Variants in ZNF516 observed in about 807,000 individuals in gnomAD.
ZNF516 encodes the protein zinc finger protein 516.
In ZNF516, 19 loss-of-function variants were observed where a neutral mutation model predicts 79.7. The ratio of observed to expected loss-of-function variants is 0.24; its 90% CI spans 0.17 to 0.35. The LOEUF is 0.35. Ranked by LOEUF, ZNF516 falls within the 10% of genes least tolerant of loss-of-function variation. ZNF516 has a pLI of 1.00. For synonymous variants in ZNF516, 877 were observed against 739.5 expected, an observed-to-expected ratio of 1.19 and a Z score of -3.02; for missense variants, 1,678 against 1,679.5, an observed-to-expected ratio of 1.00 and a Z score of 0.02.
upstream of ZNF516, chr18:76,495,528 AG>A: frequency 4.8e-6 from 1 of 207,556 alleles, no homozygotes. Context: ...TGCCACACTG[AG>A]GGGACAGTCT....
At chr18:76,418,629 C>A (rs1054289538) in intron 3 of ZNF516, among the ~76,000 whole-genome samples, 15 of 151,876 alleles carry the variant, frequency 9.9e-5, no homozygotes, top group South Asian at 8.3e-4. Context: ...GAAAAAAAAA[C>A]CATTAAGAAA....
intron 1 of ZNF516, among the ~76,000 whole-genome samples, chr18:76,483,746 A>AAT (rs1388516432): frequency 8.5e-5 from 13 of 152,186 alleles, no homozygotes; most frequent in Admixed American, 8.5e-4. Context: ...CTCTTATAAA[A>AAT]ATATGTTACT....
At position 76,375,824 on chromosome 18, in the gene ZNF516, G is replaced by A. The variant is rs575341808; in HGVS notation, c.3259+3031C>T. Among the ~76,000 whole-genome samples, 10 of 148,738 alleles carry A rather than the reference G, an allele frequency of 6.7e-5. No homozygotes were observed. The East Asian group carries it at 2.1e-3, about 31-fold the overall frequency. On this transcript the variant is annotated intron_variant, in intron 4 of 6. Coordinates refer to ENST00000443185, the MANE Select transcript of ZNF516 (RefSeq NM_014643.4). ...AGAGGATGTATGGGAAGGCCCCGAA[G>A]ACCAGGTAGAAGATGGACACAGAAG... is the stretch of plus-strand genomic sequence containing the variant.
At chr18:76,427,323 T>A (rs1370096292) in intron 3 of ZNF516, among the ~76,000 whole-genome samples, 1 of 152,208 alleles carries the variant, frequency 6.6e-6, no homozygotes. Flanking sequence ...GAGGTTTATA[T>A]GAAATACAGA....
At chr18:76,389,752 A>C (rs1022379483) in intron 3 of ZNF516, among the ~76,000 whole-genome samples, 1 of 152,192 alleles carries the variant, frequency 6.6e-6, no homozygotes, top group South Asian at 2.1e-4. Flanking sequence ...GTCATTTCTT[A>C]ATCTCTACCT....
intron 3 of ZNF516, among the ~76,000 whole-genome samples, chr18:76,426,593 TTATGTAC>T (rs749307780): frequency 1.6e-4 from 24 of 152,352 alleles, no homozygotes; most frequent in Middle Eastern, 3.4e-3. Flanking sequence ...TAATGTATTT[TTATGTAC>T]TAAATTTGGC....
At chr18:76,378,820 T>C in intron 4 of ZNF516, 35 bp downstream of exon 4, 2 of 1,590,454 alleles carry the variant, frequency 1.3e-6, no homozygotes, top group South Asian at 1.1e-5. Flanking sequence ...GGGGGTCACA[T>C]GTGGCCTGGG....
At position 76,441,810 on chromosome 18, in the gene ZNF516, G is replaced by A. The variant is rs565967831; in HGVS notation, c.1245C>T (p.Ser415=). 1.9e-5 allele frequency: 30 copies of A among 1,562,982 alleles called. No homozygotes were observed. The African/African-American group carries it at 2.7e-4, about 14-fold the overall frequency. The stretch of plus-strand genomic sequence containing the variant: ...GCGTGGCCAGCTGCCAGGCCTGGTA[G>A]CTGTTGACCGGGTCCAGCTCAGCCA... The part of the protein sequence containing the change: ...RRVAELDPVN[S]YQAWQLATRG... The change falls in exon 3 of 7, where the codon AGC becomes AGT. Residue 415 remains serine (S), a synonymous_variant. Transcript: ENST00000443185.
intron 2 of ZNF516, 45 bp from the exon 3 acceptor site, chr18:76,443,256 G>T (rs1056451228): frequency 1.3e-4 from 96 of 760,438 alleles, no homozygotes; most frequent in Middle Eastern, 3.9e-4. Flanking sequence ...CTGGCTAAGA[G>T]GGCACAGGCA....
At chr18:76,479,749 G>C (rs1268359797) in intron 1 of ZNF516, among the ~76,000 whole-genome samples, 3 of 152,368 alleles carry the variant, frequency 2.0e-5, no homozygotes, top group Middle Eastern at 3.4e-3. Context: ...AGTGTGCAGA[G>C]GGGCAGACAT....
chr18:76,466,457 C>T (rs749170567), intron 1 of ZNF516, among the ~76,000 whole-genome samples: 5 of 152,242 alleles, frequency 3.3e-5, no homozygotes, highest in South Asian at 2.1e-4. Context: ...ACGCTCTGCA[C>T]GCTCACCAGG....
At chr18:76,479,393 G>T (rs183043405) in intron 1 of ZNF516, among the ~76,000 whole-genome samples, 4 of 152,134 alleles carry the variant, frequency 2.6e-5, no homozygotes, top group African/African-American at 9.7e-5. Context: ...AAATTCTCCC[G>T]GCAAGTCAGT....
intron 1 of ZNF516, among the ~76,000 whole-genome samples, chr18:76,487,784 A>AG (rs1914914570): frequency 6.6e-6 from 1 of 152,140 alleles, no homozygotes; most frequent in Non-Finnish European, 1.5e-5. Flanking sequence ...TCCTGGGACC[A>AG]GAGAAAACTG....
chr18:76,457,755 C>CAAAAAAG (rs1912818735), intron 2 of ZNF516, among the ~76,000 whole-genome samples: 1 of 152,138 alleles, frequency 6.6e-6, no homozygotes, highest in Non-Finnish European at 1.5e-5. Flanking sequence ...GGGCAACTCC[C>CAAAAAAG]ACCACTGACT....
At chr18:76,388,189 C>A (rs1300253160) in intron 3 of ZNF516, 3 of 152,220 alleles carry the variant, frequency 2.0e-5, no homozygotes, top group Non-Finnish European at 4.4e-5. Context: ...CAATCACCAT[C>A]CTTCAAAGCC....
chr18:76,484,322 T>A (rs894075466), intron 1 of ZNF516, among the ~76,000 whole-genome samples: 7 of 152,204 alleles, frequency 4.6e-5, no homozygotes, highest in African/African-American at 1.7e-4. Flanking sequence ...CCTGCAGTTA[T>A]AACACATATA....
intron 3 of ZNF516, among the ~76,000 whole-genome samples, chr18:76,411,971 T>C (rs1211124030): frequency 6.6e-6 from 1 of 152,210 alleles, no homozygotes; most frequent in Admixed American, 6.5e-5. Flanking sequence ...TAAAAACATC[T>C]GAACATTCAA....
Position 76,442,824 on chromosome 18 carries a change from C to A in ZNF516, c.231G>T (p.Leu77=). The A allele has an allele frequency of 6.2e-7, 1 of 1,612,680 alleles. No individual in the cohort carries two copies. Reference sequence around the variant, plus strand: ...TGCGGTGGCTCCGGATGTGAATCTTCAGGTTGCCCTTCTGGGAAGCCCGGT... The same window carrying A: ...TGCGGTGGCTCCGGATGTGAATCTTAAGGTTGCCCTTCTGGGAAGCCCGGT... The part of the protein sequence containing the change: ...CDHRASQKGN[L]KIHIRSHRTG... The change falls in exon 3 of 7, where the codon CTG becomes CTT. Residue 77 remains leucine (L), a synonymous_variant. Coordinates refer to ENST00000443185, the MANE Select transcript of ZNF516 (RefSeq NM_014643.4).
chr18:76,374,508 C>T (rs1035857288), intron 4 of ZNF516, among the ~76,000 whole-genome samples: 3 of 152,120 alleles, frequency 2.0e-5, no homozygotes, highest in Non-Finnish European at 4.4e-5. Context: ...GAAACATCAC[C>T]CGAACACATG....
Sources: gnomAD v4.1 joint callset for allele counts (sites outside exome capture counted in the v4.1 genomes callset) on GRCh38, gnomAD v4.1.1 for gene constraint, MANE v1.5 for transcripts, NCBI Gene and HGNC (gene_info 2026-07-23, HGNC 2026-07-21) for gene names.